The following PRR15 variants were observed in gnomAD, a reference collection of about 807,000 sequenced individuals.
PRR15 encodes proline-rich protein 15.
Under a neutral mutation model 3.0 loss-of-function variants are expected in PRR15, and 4 were observed. That is an observed-to-expected ratio of 1.34 (90% CI 0.66 to 3.08). The LOEUF (loss-of-function observed/expected upper bound fraction) is 3.08. PRR15 is among the 30% of genes most tolerant of loss of function. PRR15 has a pLI of 0.01. For missense variants in PRR15, 200 were observed against 179.5 expected (o/e 1.11, Z -0.65); for synonymous variants, 82 against 79.8 (o/e 1.03, Z -0.14).
Position 29,566,185 on chromosome 7 carries a change from C to T in PRR15, c.-145C>T. The T allele has an allele frequency of 2.0e-6, 2 of 995,896 alleles. No individual in the cohort carries two copies. Among genetic ancestry groups the T allele is most frequent in the South Asian group, 1.7e-5 (1 of 58,736 alleles). 61.7% of individuals were successfully genotyped at this position (995,896 alleles called of 1,614,324 possible). ...AACCAAGTTTTGTTTTCTTCCCCAG[C>T]ACAGGCCGCTGCCTCAGCATCCACC... On this transcript the variant is annotated splice_region_variant and 5_prime_UTR_variant, in exon 2 of 2. Coordinates refer to ENST00000319694, the MANE Select transcript of PRR15 (RefSeq NM_175887.3).
rs1792916030 is a variant in PRR15 at position 29,566,631 on chromosome 7, G to A, written c.302G>A (p.Arg101Lys). The change falls in exon 2 of 2, where the codon AGG becomes AAG. Residue 101 changes from arginine (R) to lysine (K), a missense_variant. Coordinates refer to ENST00000319694, the MANE Select transcript of PRR15 (RefSeq NM_175887.3). Reference protein sequence around the residue: ...ISRSGRFKEKRKVRATLLPEA... With the variant: ...ISRSGRFKEKKKVRATLLPEA... ...CGCTCCGGCCGCTTTAAGGAGAAGA[G>A]GAAAGTGCGCGCCACGCTGCTCCCG... 1 of 1,597,794 alleles carries A rather than the reference G, an allele frequency of 6.3e-7. No homozygotes were observed.
chr7:29,566,162 C>A, intron 1 of PRR15, 23 bp from the exon 2 acceptor site: 1 of 789,082 alleles, frequency 1.3e-6, no homozygotes, highest in Non-Finnish European at 2.0e-6. Context: ...AACCCAGTAA[C>A]CAAGTTTTGT....
chr7:29,566,333 G>C lies in PRR15; in HGVS notation c.4G>C (p.Ala2Pro), dbSNP rs752329341. MADSGDAGSSGP... is the reference protein window; with the variant it reads MPDSGDAGSSGP... ...GGAGCCCCTAGGCCCTCCGGCCATG[G>C]CCGACAGCGGCGATGCTGGCAGCTC... Residue 2 changes from alanine (A) to proline (P), a missense_variant, in exon 2 of 2, where the codon GCC becomes CCC. Ala to Pro is a conservative substitution (Grantham distance 27, BLOSUM62 -1). Coordinates refer to ENST00000319694, the MANE Select transcript of PRR15 (RefSeq NM_175887.3). The C allele has an allele frequency of 1.2e-6, 2 of 1,606,526 alleles. No homozygotes were observed. The highest frequency in any genetic ancestry group is 1.1e-5 in the South Asian group (1 of 90,698).
At chr7:29,566,097 G>T in intron 1 of PRR15, 88 bp from the exon 2 acceptor site, 2 of 588,334 alleles carry the variant, frequency 3.4e-6, no homozygotes, top group South Asian at 4.3e-5. Flanking sequence ...GGCCGATCCG[G>T]TGCCAGACAG....
At chr7:29,564,853 G>A (rs1043424673) in intron 1 of PRR15, among the ~76,000 whole-genome samples, 2 of 152,208 alleles carry the variant, frequency 1.3e-5, no homozygotes, top group Non-Finnish European at 2.9e-5. Flanking sequence ...GCATCCTGGG[G>A]AGGAGCCGGT....
rs193123513 is a variant in PRR15, at chr7:29,566,651, C to T, written c.322C>T (p.Leu108Phe). ...KEKRKVRATLLPEAGRSPEEA... is the reference protein window; with the variant it reads ...KEKRKVRATLFPEAGRSPEEA... ...GAAGAGGAAAGTGCGCGCCACGCTG[C>T]TCCCGGAGGCGGGCAGGTCCCCGGA... Residue 108 changes from leucine (L) to phenylalanine (F), a missense_variant, in exon 2 of 2, where the codon CTC (leucine) becomes TTC (phenylalanine). Coordinates refer to ENST00000319694, the MANE Select transcript of PRR15 (RefSeq NM_175887.3). 11 of 1,584,214 alleles carry T rather than the reference C, an allele frequency of 6.9e-6. No homozygotes were observed. The East Asian group carries it at 2.3e-4, about 34-fold the overall frequency.
Position 29,566,248 on chromosome 7 carries a change from G to A in PRR15, c.-82G>A. The A allele has an allele frequency of 7.0e-7, 1 of 1,434,442 alleles. No homozygotes were observed. The highest frequency in any genetic ancestry group is 2.5e-5 in the Admixed American group (1 of 40,292). The allele number at this position is 1,434,442 out of a possible 1,614,324, so 88.9% of individuals were successfully genotyped here. A position where few individuals can be genotyped will look rare whatever the true frequency, so the allele number is the denominator to read the frequency against. On this transcript the variant is annotated 5_prime_UTR_variant, in exon 2 of 2. It adds an upstream start codon to the 5' untranslated region. Coordinates refer to ENST00000319694, the MANE Select transcript of PRR15 (RefSeq NM_175887.3). ...TGTGGCAAGCCGGGGAAGGGGTGGAGTGAACGGCCGGAGACCACGTGGAGA... is the reference window on the plus strand; with the variant it reads ...TGTGGCAAGCCGGGGAAGGGGTGGAATGAACGGCCGGAGACCACGTGGAGA...
intron 1 of PRR15, among the ~76,000 whole-genome samples, chr7:29,564,816 A>G (rs1476930719): frequency 6.6e-6 from 1 of 152,076 alleles, no homozygotes; most frequent in African/African-American, 2.4e-5. Flanking sequence ...TATTGTTTTC[A>G]AGTCGCTGCC....
Position 29,566,503 on chromosome 7 carries a change from G to T in PRR15, c.174G>T (p.Glu58Asp). The change falls in exon 2 of 2, where the codon GAG (glutamate) becomes GAT (aspartate). Residue 58 changes from glutamate (E) to aspartate (D), a missense_variant. Coordinates refer to ENST00000319694, the MANE Select transcript of PRR15 (RefSeq NM_175887.3). Reference protein sequence around the residue: ...PSPDWTSSSRENQHPNLLGGA... With the variant: ...PSPDWTSSSRDNQHPNLLGGA... ...CGGACTGGACCAGCAGCTCCCGGGAGAACCAGCACCCCAATCTCCTCGGGG... is the reference window on the plus strand; with the variant it reads ...CGGACTGGACCAGCAGCTCCCGGGATAACCAGCACCCCAATCTCCTCGGGG... 6.2e-7 allele frequency: 1 copy of T among 1,601,412 alleles called. No individual in the cohort carries two copies. The highest frequency in any genetic ancestry group is 1.7e-5 in the Admixed American group (1 of 58,784).
rs775907726 is a variant in PRR15, at chr7:29,566,725, A to G, written c.*6A>G. ...CCCACGAGGACAAGCAGTAGCCCCA[A>G]TAGCCTGCGCGCTCCAGGACTGCCT... On this transcript the variant is annotated 3_prime_UTR_variant, in exon 2 of 2. Coordinates refer to ENST00000319694, the MANE Select transcript of PRR15 (RefSeq NM_175887.3). The G allele has an allele frequency of 2.9e-5, 45 of 1,546,426 alleles. No homozygotes were observed. In the Admixed American group the frequency reaches 5.2e-4, roughly 18 times the overall value.
Position 29,566,263 on chromosome 7 carries a change from C to T in PRR15, c.-67C>T, listed in dbSNP as rs1159368338. ...AAGGGGTGGAGTGAACGGCCGGAGACCACGTGGAGAAAGGGGCCGCTTTGG... is the reference window on the plus strand; with the variant it reads ...AAGGGGTGGAGTGAACGGCCGGAGATCACGTGGAGAAAGGGGCCGCTTTGG... On this transcript the variant is annotated 5_prime_UTR_variant, in exon 2 of 2. Transcript: ENST00000319694. 1.3e-6 allele frequency: 2 copies of T among 1,489,006 alleles called. No individual in the cohort carries two copies. The highest frequency in any genetic ancestry group is 2.6e-5 in the South Asian group (2 of 76,330). The allele number at this position is 1,489,006 out of a possible 1,614,324, so 92.2% of individuals were successfully genotyped here.
At chr7:29,564,434 A>AC (rs1429765230) in intron 1 of PRR15, 57 bp downstream of exon 1, 1 of 151,540 alleles carries the variant, frequency 6.6e-6, no homozygotes, top group African/African-American at 2.4e-5. Context: ...CCCGGGGGTC[A>AC]CCCTGGGGTG....
Position 29,566,610 on chromosome 7 carries a change from CCGG to C in PRR15, c.283_285del (p.Gly95del). Reference sequence around the variant, plus strand: ...CGCCGCAATTTGAAGATCTCGCGCTCCGGCCGCTTTAAGGAGAAGAGGAAAGTG... The same window carrying C: ...CGCCGCAATTTGAAGATCTCGCGCTCCCGCTTTAAGGAGAAGAGGAAAGTG... On this transcript the variant is annotated inframe_deletion, in exon 2 of 2. Transcript: ENST00000319694. 1 of 1,605,018 alleles carries C rather than the reference CCGG, an allele frequency of 6.2e-7. No homozygotes were observed. Among genetic ancestry groups the C allele is most frequent in the Non-Finnish European group, 8.5e-7 (1 of 1,176,128 alleles).
At chr7:29,565,087 T>A (rs1486768823) in intron 1 of PRR15, among the ~76,000 whole-genome samples, 1 of 152,156 alleles carries the variant, frequency 6.6e-6, no homozygotes, top group Non-Finnish European at 1.5e-5. Context: ...CTGCCGTTGC[T>A]GGTGGCAGCG....
rs761935027 is a variant in PRR15, at chr7:29,566,743, G to T, written c.*24G>T. ...AGCCCCAATAGCCTGCGCGCTCCAG[G>T]ACTGCCTACCCAGCACTACCCCAAA... On this transcript the variant is annotated 3_prime_UTR_variant, in exon 2 of 2. Coordinates refer to ENST00000319694, the MANE Select transcript of PRR15 (RefSeq NM_175887.3). 17 of 1,523,598 alleles carry T rather than the reference G, an allele frequency of 1.1e-5. No individual in the cohort carries two copies. The highest frequency in any genetic ancestry group is 2.0e-5 in the Admixed American group (1 of 50,068). 94.4% of individuals were successfully genotyped at this position (1,523,598 alleles called of 1,614,324 possible). A position where few individuals can be genotyped will look rare whatever the true frequency, so the allele number is the denominator to read the frequency against.
At chr7:29,564,601 T>C (rs1165384356) in intron 1 of PRR15, among the ~76,000 whole-genome samples, 3 of 152,102 alleles carry the variant, frequency 2.0e-5, no homozygotes, top group African/African-American at 4.8e-5. Flanking sequence ...AAGTTGATGA[T>C]TGTGAAGAAG....
chr7:29,566,605 G>C lies in PRR15; in HGVS notation c.276G>C (p.Ser92=), dbSNP rs759840411. The C allele has an allele frequency of 1.2e-6, 2 of 1,606,616 alleles. No individual in the cohort carries two copies. Among genetic ancestry groups the C allele is most frequent in the Middle Eastern group, 1.7e-4 (1 of 6,052 alleles). ...GCAGCCGCCGCAATTTGAAGATCTC[G>C]CGCTCCGGCCGCTTTAAGGAGAAGA... is the stretch of plus-strand genomic sequence containing the variant. ...SGSSRRNLKI[S]RSGRFKEKRK... The change falls in exon 2 of 2, where the codon TCG becomes TCC. Residue 92 remains serine (S), a synonymous_variant. Transcript: ENST00000319694.
At position 29,566,589 on chromosome 7, in the gene PRR15, G is replaced by T; in HGVS notation, c.260G>T (p.Arg87Leu). Residue 87 changes from arginine to leucine, a missense_variant, in exon 2 of 2, where the codon CGC (arginine) becomes CTC (leucine). Physicochemically the swap from Arg to Leu is moderately radical, Grantham distance 102 (BLOSUM62 -2). Coordinates refer to ENST00000319694, the MANE Select transcript of PRR15 (RefSeq NM_175887.3). ...GGGGACAAATCCGGCAGCAGCCGCC[G>T]CAATTTGAAGATCTCGCGCTCCGGC... ...LYGDKSGSSR[R>L]NLKISRSGRF... 6.2e-7 allele frequency: 1 copy of T among 1,608,528 alleles called. No individual in the cohort carries two copies. The highest frequency in any genetic ancestry group is 8.5e-7 in the Non-Finnish European group (1 of 1,177,862).
chr7:29,566,417 G>C lies in PRR15; in HGVS notation c.88G>C (p.Gly30Arg), dbSNP rs976889141. Reference protein sequence around the residue: ...SRKKSKEAAVGVPPPAQPAPG... With the variant: ...SRKKSKEAAVRVPPPAQPAPG... ...AAAGAAAAGCAAGGAAGCCGCAGTG[G>C]GGGTGCCGCCTCCCGCCCAGCCCGC... Residue 30 changes from glycine (G) to arginine (R), a missense_variant, in exon 2 of 2, where the codon GGG (glycine) becomes CGG (arginine). Physicochemically the swap from Gly to Arg is moderately radical, Grantham distance 125. Coordinates refer to ENST00000319694, the MANE Select transcript of PRR15 (RefSeq NM_175887.3). The C allele has an allele frequency of 6.2e-7, 1 of 1,609,240 alleles. No individual in the cohort carries two copies. Among genetic ancestry groups the C allele is most frequent in the African/African-American group, 1.3e-5 (1 of 74,852 alleles).
Sources: allele counts gnomAD v4.1 joint callset (sites outside exome capture counted in the v4.1 genomes callset), GRCh38; gene constraint gnomAD v4.1.1; transcripts MANE v1.5; gene names NCBI Gene and HGNC (gene_info 2026-07-23, HGNC 2026-07-21).